Variants in MACF1 observed in about 807,000 individuals in gnomAD.
The protein encoded by MACF1 is microtubule actin crosslinking factor 1, also known as microtubule-actin cross-linking factor 1.
In MACF1, 193 loss-of-function variants were observed where a neutral mutation model predicts 854.8. The observed-to-expected ratio is 0.23, with a 90% CI of 0.20 to 0.25. The LOEUF is 0.25. Ranked by LOEUF, MACF1 falls within the 10% of genes least tolerant of loss-of-function variation. MACF1 has a pLI of 1.00. For synonymous variants in MACF1, 3,185 were observed against 3,226.7 expected (o/e 0.99, Z 0.44); for missense variants, 7,722 against 8,929.1 (o/e 0.86, Z 5.45).
At chr1:39,119,236 G>C (rs1008858517) in intron 2 of MACF1, among the ~76,000 whole-genome samples, 4 of 145,102 alleles carry the variant, frequency 2.8e-5, no homozygotes, top group Non-Finnish European at 4.5e-5. Context: ...AGAATCGCTT[G>C]AACCCGGGAG....
intron 2 of MACF1, among the ~76,000 whole-genome samples, chr1:39,161,485 G>A (rs1378924581): frequency 2.6e-5 from 4 of 152,024 alleles, no homozygotes; most frequent in South Asian, 2.1e-4. Context: ...AGGAGGATCA[G>A]TTGAGGCTAG....
chr1:39,435,885 A>G (rs530214474), intron 70 of MACF1, 124 bp downstream of exon 70: 28 of 775,498 alleles, frequency 3.6e-5, no homozygotes, highest in Non-Finnish European at 5.4e-5. Context: ...TGATCGGTAG[A>G]TAGAACAGAA....
intron 44 of MACF1, among the ~76,000 whole-genome samples, chr1:39,354,495 C>A (rs1480208796): frequency 6.6e-6 from 1 of 152,150 alleles, no homozygotes; most frequent in East Asian, 1.9e-4. Flanking sequence ...ACCTCCATCT[C>A]CTGGAGTCAA....
intron 2 of MACF1, among the ~76,000 whole-genome samples, chr1:39,127,850 T>TA (rs549522388): frequency 8.8e-5 from 13 of 148,030 alleles, no homozygotes; most frequent in East Asian, 3.9e-4. Context: ...GTAAGTTACT[T>TA]AAAAAAAAAA....
intron 2 of MACF1, among the ~76,000 whole-genome samples, chr1:39,120,656 C>G (rs1383110149): frequency 6.6e-6 from 1 of 152,138 alleles, no homozygotes; most frequent in African/African-American, 2.4e-5. Flanking sequence ...GCCACCACAC[C>G]CGGCCAACAA....
Position 39,370,154 on chromosome 1 carries a change from A to G in MACF1, c.13063A>G (p.Lys4355Glu), listed in dbSNP as rs751710266. The G allele has an allele frequency of 5.0e-6, 8 of 1,613,216 alleles. No homozygotes were observed. Among genetic ancestry groups the G allele is most frequent in the South Asian group, 4.4e-5 (4 of 90,816 alleles). ...ACCTACGGAAACTTCTATGAGTGCT[A>G]AAGAGTTAGAAAAGCAGATTGAACA... ...IPPTETSMSA[K>E]ELEKQIEHLK... Residue 4355 changes from lysine (K) to glutamate (E), a missense_variant, in exon 51 of 101, where the codon AAA becomes GAA. By Grantham distance (56) the Lys-to-Glu change is moderately conservative. Transcript: ENST00000564288.
At position 39,412,047 on chromosome 1, in the gene MACF1, A is replaced by G. The variant is rs377066937; in HGVS notation, c.15817-10327A>G. 15 of 1,613,880 alleles carry G rather than the reference A, an allele frequency of 9.3e-6. No individual in the cohort carries two copies. In the African/African-American group the frequency reaches 1.3e-4, roughly 14 times the overall value. On this transcript the variant is annotated intron_variant, in intron 58 of 100. Transcript: ENST00000564288. ...CCAGACAGCCAGCTGATCTGGATTC[A>G]CTGGAAAAGCTGGACCCAGGAGGAC...
rs181276798 is a variant in MACF1, at chr1:39,402,984, T to C, written c.15816+14326T>C. Reference sequence around the variant, plus strand: ...TTCTCTCTGCACTCAACCTCTGAGATGGCAGCTCCTCACTGTTCTATGGGG... The same window carrying C: ...TTCTCTCTGCACTCAACCTCTGAGACGGCAGCTCCTCACTGTTCTATGGGG... On this transcript the variant is annotated intron_variant, in intron 58 of 100. Coordinates refer to ENST00000564288, the MANE Select transcript of MACF1 (RefSeq NM_001394062.1). Among the ~76,000 whole-genome samples, 476 of 152,282 alleles carry C rather than the reference T, an allele frequency of 3.1e-3. 4 individuals carry two copies. The highest frequency in any genetic ancestry group is 0.015 in the South Asian group (71 of 4,822).
At chr1:39,412,151 G>T (rs1410164568) in intron 58 of MACF1, 3 of 1,614,004 alleles carry the variant, frequency 1.9e-6, no homozygotes, top group Non-Finnish European at 2.5e-6. Flanking sequence ...AAAGACAATG[G>T]CAGTTTGTCC....
chr1:39,143,501 C>T (rs1015297599), intron 2 of MACF1, among the ~76,000 whole-genome samples: 19 of 152,148 alleles, frequency 1.2e-4, no homozygotes, highest in Non-Finnish European at 2.1e-4. Flanking sequence ...GAGGTAAGGG[C>T]TCAAGGATTA....
chr1:39,323,332 C>CA (rs1202671179), intron 33 of MACF1, among the ~76,000 whole-genome samples: 1 of 150,950 alleles, frequency 6.6e-6, no homozygotes, highest in South Asian at 2.1e-4. Context: ...TAGGCTGTCT[C>CA]AAAAAAAAGC....
intron 2 of MACF1, among the ~76,000 whole-genome samples, chr1:39,146,528 C>T (rs1259278864): frequency 2.0e-5 from 3 of 151,252 alleles, no homozygotes; most frequent in Non-Finnish European, 4.4e-5. Flanking sequence ...AAAAGAATGA[C>T]ATTCTGTCAT....
chr1:39,448,796 C>T (rs373617576), intron 84 of MACF1, 33 bp downstream of exon 84: 33 of 1,506,198 alleles, frequency 2.2e-5, no homozygotes, highest in South Asian at 2.7e-5. Context: ...GGGGTCTAAC[C>T]GGGATCCCAA....
chr1:39,335,969 C>T lies in MACF1; in HGVS notation c.9381C>T (p.Ser3127=). The T allele has an allele frequency of 6.2e-7, 1 of 1,614,074 alleles. No homozygotes were observed. Among genetic ancestry groups the T allele is most frequent in the Non-Finnish European group, 8.5e-7 (1 of 1,180,002 alleles). Residue 3127 remains serine (S), a synonymous_variant, in exon 37 of 101, where the codon TCC becomes TCT. Coordinates refer to ENST00000564288, the MANE Select transcript of MACF1 (RefSeq NM_001394062.1). The part of the protein sequence containing the change: ...SDGKAQVTGP[S]QISKTDKSFQ... ...GAAAAGCCCAAGTGACAGGCCCATC[C>T]CAAATTTCCAAAACAGACAAGTCTT...
At chr1:39,119,872 CTTTTTTTTTT>C (rs571383832) in intron 2 of MACF1, among the ~76,000 whole-genome samples, 32 of 65,552 alleles carry the variant, frequency 4.9e-4, no homozygotes, top group Non-Finnish European at 8.5e-4. Flanking sequence ...AATAAAGCCT[CTTTTTTTTTT>C]TTTTTTTTTT....
intron 97 of MACF1, among the ~76,000 whole-genome samples, chr1:39,475,717 G>T (rs1557673888): frequency 6.6e-6 from 1 of 152,232 alleles, no homozygotes; most frequent in East Asian, 1.9e-4. Context: ...CCAGGGTTTT[G>T]GTTCCTGACT....
At chr1:39,359,986 C>CAAAAAAAA (rs1178910336) in intron 47 of MACF1, among the ~76,000 whole-genome samples, 1 of 11,746 alleles carries the variant, frequency 8.5e-5, no homozygotes, top group Non-Finnish European at 1.4e-4. Flanking sequence ...GACTCCGTCT[C>CAAAAAAAA]AAAAAAAAAA....
intron 2 of MACF1, among the ~76,000 whole-genome samples, chr1:39,148,019 CT>C (rs1336577394): frequency 6.6e-6 from 1 of 152,126 alleles, no homozygotes; most frequent in Non-Finnish European, 1.5e-5. Context: ...ATACTGTAAT[CT>C]TTTGTCCCAA....
At chr1:39,366,867 C>G (rs1181885210) in intron 49 of MACF1, among the ~76,000 whole-genome samples, 1 of 150,420 alleles carries the variant, frequency 6.6e-6, no homozygotes, top group African/African-American at 2.4e-5. Context: ...TGGTCTTGAA[C>G]TCCTGAACTC....
Sources: gnomAD v4.1 joint callset for allele counts (sites outside exome capture counted in the v4.1 genomes callset) on GRCh38, gnomAD v4.1.1 for gene constraint, MANE v1.5 for transcripts, NCBI Gene and HGNC (gene_info 2026-07-23, HGNC 2026-07-21) for gene names.